The following DMD variants were observed in gnomAD, a reference collection of about 807,000 sequenced individuals.
The protein encoded by DMD is dystrophin, also known as mutant dystrophin.
Under a neutral mutation model 330.1 loss-of-function variants are expected in DMD, and 63 were observed. The observed-to-expected ratio is 0.19, with a 90% CI of 0.16 to 0.24. The LOEUF (loss-of-function observed/expected upper bound fraction) is 0.24, where lower values mean the gene tolerates loss of function less well. Ranked by LOEUF, DMD falls within the 10% of genes least tolerant of loss-of-function variation. The probability of loss-of-function intolerance (pLI) is 1.00; values close to 1 mark genes in which losing one functional copy is unlikely to be tolerated. For synonymous variants in DMD, 1,223 were observed against 959.8 expected (o/e 1.27, Z -5.07); for missense variants, 3,344 against 2,684.1 (o/e 1.25, Z -5.43).
At chrX:31,149,642 CT>C (rs1467226250) in intron 74 of DMD, among the ~76,000 whole-genome samples, 1 of 111,335 alleles carries the variant, frequency 9.0e-6, no homozygotes, top group Admixed American at 9.5e-5. Flanking sequence ...ACTTGTTACT[CT>C]TTTTTTTCCT....
intron 45 of DMD, among the ~76,000 whole-genome samples, chrX:31,943,267 C>T (rs150214134): frequency 0.033 from 3,739 of 111,837 alleles, 60 homozygotes; most frequent in Non-Finnish European, 0.053. Context: ...ATTAAAGATA[C>T]GAGAGTTCTG....
In DMD at chrX:31,991,321, G is replaced by GC. The variant is rs1410866403; in HGVS notation, c.6439-22808dup. 5.4e-5 allele frequency among the ~76,000 whole-genome samples: 6 copies of GC among 111,420 alleles called. No homozygotes were observed. The East Asian group carries it at 1.7e-3, about 31-fold the overall frequency. ...TGATTACAAATGGAAAGGAAAGCAG[G>GC]CAGAAAGACCAGACCAGTGGCAATT... On this transcript the variant is annotated intron_variant, in intron 44 of 78. Coordinates refer to ENST00000357033, the MANE Select transcript of DMD (RefSeq NM_004006.3).
intron 29 of DMD, among the ~76,000 whole-genome samples, chrX:32,424,278 C>G (rs1261622863): frequency 2.7e-5 from 3 of 110,253 alleles, no homozygotes; most frequent in Admixed American, 9.7e-5. Flanking sequence ...TATCCAATAT[C>G]CTTTTTACTA....
chrX:32,871,103 G>T (rs1050763459), intron 2 of DMD, among the ~76,000 whole-genome samples: 5 of 105,714 alleles, frequency 4.7e-5, no homozygotes, highest in Non-Finnish European at 9.7e-5. Flanking sequence ...CCTCAGCCTT[G>T]GATAGACCCA....
chrX:33,178,500 A>C lies in DMD; in HGVS notation c.31+32782T>G, dbSNP rs372116117. ...ACGCAGCCAAACCCAATCCTACCTG[A>C]TGCACTCATTTTTTAATACTCAAAA... On this transcript the variant is annotated intron_variant, in intron 1 of 78. Transcript: ENST00000357033. Among the ~76,000 whole-genome samples, 38 of 112,142 alleles carry C rather than the reference A, an allele frequency of 3.4e-4. 1 individual carries two copies. In the South Asian group the frequency reaches 5.2e-3, roughly 15 times the overall value.
chrX:31,615,117 C>T (rs959143063), intron 55 of DMD, among the ~76,000 whole-genome samples: 2 of 111,196 alleles, frequency 1.8e-5, no homozygotes. Context: ...GACCAATAAC[C>T]CTAAAAAATT....
chrX:32,165,950 G>A (rs949301732), intron 44 of DMD, among the ~76,000 whole-genome samples: 5 of 110,531 alleles, frequency 4.5e-5, no homozygotes, highest in African/African-American at 9.9e-5. Context: ...AAGGTGCCTC[G>A]CTTCCCCTTC....
intron 44 of DMD, among the ~76,000 whole-genome samples, chrX:32,043,596 T>C (rs1214814931): frequency 8.9e-6 from 1 of 112,203 alleles, no homozygotes; most frequent in Non-Finnish European, 1.9e-5. Flanking sequence ...GGAGACTTAC[T>C]GATATCAGGC....
chrX:32,019,397 C>A (rs2147127223), intron 44 of DMD, among the ~76,000 whole-genome samples: 1 of 111,936 alleles, frequency 8.9e-6, no homozygotes, highest in East Asian at 2.8e-4. Flanking sequence ...ATAGATCGAA[C>A]TGAATTTACA....
chrX:31,264,951 T>C (rs959989171), intron 62 of DMD, among the ~76,000 whole-genome samples: 2 of 112,669 alleles, frequency 1.8e-5, no homozygotes, highest in African/African-American at 3.2e-5. Flanking sequence ...TAAACACTTA[T>C]AAAAAGTAAC....
chrX:31,644,466 T>C lies in DMD; in HGVS notation c.8027+13524A>G, dbSNP rs986937282. On this transcript the variant is annotated intron_variant, in intron 54 of 78. Transcript: ENST00000357033. ...CAGACTCTCTGTGCCTCAGTATCCT[T>C]TTCTCTGTCATAAATATTTTGATAT... Among the ~76,000 whole-genome samples, 7 of 111,801 alleles carry C rather than the reference T, an allele frequency of 6.3e-5. No individual in the cohort carries two copies. In the East Asian group the frequency reaches 1.1e-3, roughly 18 times the overall value.
chrX:32,012,864 A>C (rs2095722116), intron 44 of DMD, among the ~76,000 whole-genome samples: 1 of 111,172 alleles, frequency 9.0e-6, no homozygotes, highest in African/African-American at 3.3e-5. Context: ...CAACGTATAG[A>C]GTACTCCAGG....
At chrX:33,237,951 G>A (rs1382599261) in intron 1 of DMD, among the ~76,000 whole-genome samples, 1 of 112,004 alleles carries the variant, frequency 8.9e-6, no homozygotes, top group Non-Finnish European at 1.9e-5. Context: ...AAACATAATA[G>A]TTGCCAAAAG....
At chrX:32,834,413 A>G (rs1191222729) in intron 4 of DMD, among the ~76,000 whole-genome samples, 6 of 111,892 alleles carry the variant, frequency 5.4e-5, no homozygotes, top group African/African-American at 1.9e-4. Context: ...TGAATACTTA[A>G]AGGACACATA....
intron 13 of DMD, among the ~76,000 whole-genome samples, chrX:32,574,607 C>T (rs749621406): frequency 1.3e-4 from 14 of 111,507 alleles, no homozygotes; most frequent in African/African-American, 4.2e-4. Context: ...ACTTTATAGC[C>T]TGAATTTTCA....
Position 31,744,904 on chromosome X carries a change from G to C in DMD, c.7543-15156C>G, listed in dbSNP as rs1290358017. 3.6e-5 allele frequency among the ~76,000 whole-genome samples: 4 copies of C among 112,293 alleles called. No homozygotes were observed. In the East Asian group the frequency reaches 1.1e-3, roughly 32 times the overall value. ...GATGACATGAAAGAGACTCTCTAGT[G>C]AAATAATTGAACTTGTGATGAACTT... On this transcript the variant is annotated intron_variant, in intron 51 of 78. Transcript: ENST00000357033.
chrX:32,757,363 A>G (rs1257615622), intron 7 of DMD, among the ~76,000 whole-genome samples: 1 of 111,567 alleles, frequency 9.0e-6, no homozygotes, highest in Non-Finnish European at 1.9e-5. Flanking sequence ...AGACATACAC[A>G]TTCTATCTAG....
At chrX:32,412,747 T>G (rs2098148467) in intron 29 of DMD, among the ~76,000 whole-genome samples, 1 of 111,744 alleles carries the variant, frequency 8.9e-6, no homozygotes, top group Non-Finnish European at 1.9e-5. Flanking sequence ...TTAAAATACA[T>G]TTCCTTAATA....
Position 31,196,509 on chromosome X carries a change from T to C in DMD, c.9807+7452A>G, listed in dbSNP as rs192521802. ...TGAAGGAGGGTTTTTAGGAGTTACT[T>C]TCAGGATGGAAAATCTATTAATAAA... On this transcript the variant is annotated intron_variant, in intron 67 of 78. Transcript: ENST00000357033. Among the ~76,000 whole-genome samples the C allele has an allele frequency of 1.9e-3, 215 of 110,592 alleles. 1 individual carries two copies. The highest frequency in any genetic ancestry group is 0.017 in the Admixed American group (175 of 10,383).
Sources: allele counts gnomAD v4.1 joint callset (sites outside exome capture counted in the v4.1 genomes callset), GRCh38; gene constraint gnomAD v4.1.1; transcripts MANE v1.5; gene names NCBI Gene and HGNC (gene_info 2026-07-23, HGNC 2026-07-21).